Variants in TMEM183A observed in about 807,000 individuals in gnomAD.
TMEM183A encodes the protein chromosome 1 open reading frame 37.
In TMEM183A, 21 loss-of-function variants were observed where a neutral mutation model predicts 46.7. That is an observed-to-expected ratio of 0.45 (90% confidence interval 0.32 to 0.65). The LOEUF (loss-of-function observed/expected upper bound fraction) is 0.65. TMEM183A is among the 30% of genes least tolerant of loss of function. The pLI, the probability that TMEM183A is intolerant of heterozygous loss-of-function variation, is 0.04. For missense variants in TMEM183A, 331 were observed against 481.9 expected (o/e 0.69, Z 2.93); for synonymous variants, 165 against 180.2 (o/e 0.92, Z 0.68).
intron 4 of TMEM183A, chr1:203,015,658 G>A (rs539006237): frequency 3.2e-6 from 1 of 308,876 alleles, no homozygotes; most frequent in Admixed American, 4.7e-5. Context: ...GCCAGTATAG[G>A]TTCCTCCAGG....
chr1:203,007,411 C>G lies in TMEM183A; in HGVS notation c.-55C>G, dbSNP rs1656031656. On this transcript the variant is annotated 5_prime_UTR_variant, in exon 1 of 8. Transcript: ENST00000367242. ...AGCGGCCTCCGGTGTGGGATGGCCGCGGAGCCGGGCGGAGCTGGCTTGCGG... is the reference window on the plus strand; with the variant it reads ...AGCGGCCTCCGGTGTGGGATGGCCGGGGAGCCGGGCGGAGCTGGCTTGCGG... The G allele has an allele frequency of 7.5e-7, 1 of 1,341,476 alleles. No individual in the cohort carries two copies. Among genetic ancestry groups the G allele is most frequent in the Non-Finnish European group, 9.6e-7 (1 of 1,045,022 alleles). 83.1% of individuals were successfully genotyped at this position (1,341,476 alleles called of 1,614,324 possible). A position where few individuals can be genotyped will look rare whatever the true frequency, so the allele number is the denominator to read the frequency against.
chr1:203,007,725 A>G, intron 1 of TMEM183A, 49 bp from the exon 2 acceptor site: 1 of 1,607,436 alleles, frequency 6.2e-7, no homozygotes, highest in Non-Finnish European at 8.5e-7. Flanking sequence ...GGCGGGGAAG[A>G]CGCTGACGAG....
chr1:203,021,054 C>T lies in TMEM183A; in HGVS notation c.945+106C>T, dbSNP rs529263722. 41 of 1,127,602 alleles carry T rather than the reference C, an allele frequency of 3.6e-5. 1 individual carries two copies. The highest frequency in any genetic ancestry group is 2.4e-4 in the South Asian group (14 of 57,756). 69.8% of individuals were successfully genotyped at this position (1,127,602 alleles called of 1,614,324 possible). A position where few individuals can be genotyped will look rare whatever the true frequency, so the allele number is the denominator to read the frequency against. The stretch of plus-strand genomic sequence containing the variant: ...TTTTTTTTTTTTTTTTTTTAAGAGA[C>T]GTGGTCTCACTCTGTCACTCAGGCT... On this transcript the variant is annotated intron_variant, in intron 7 of 7. Coordinates refer to ENST00000367242, the MANE Select transcript of TMEM183A (RefSeq NM_138391.6).
chr1:203,009,969 A>G (rs1186109105), intron 3 of TMEM183A, among the ~76,000 whole-genome samples: 2 of 152,040 alleles, frequency 1.3e-5, no homozygotes, highest in Non-Finnish European at 2.9e-5. Context: ...CCCTGTCTTT[A>G]CTAAAAATAC....
rs531464712 is a variant in TMEM183A, at chr1:203,015,365, A to G, written c.527+317A>G. The G allele has an allele frequency of 2.1e-4, 77 of 359,234 alleles. 2 individuals are homozygous for G. In the South Asian group the frequency reaches 2.8e-3, roughly 13 times the overall value. The allele number at this position is 359,234 out of a possible 1,614,324, so 22.3% of individuals were successfully genotyped here. A position where few individuals can be genotyped will look rare whatever the true frequency, so the allele number is the denominator to read the frequency against. ...TATTTTAGCTAGAATGTTTAAAGCTACAGATGCCTATCTGCTCATCTTTCC... is the reference window on the plus strand; with the variant it reads ...TATTTTAGCTAGAATGTTTAAAGCTGCAGATGCCTATCTGCTCATCTTTCC... On this transcript the variant is annotated intron_variant, in intron 4 of 7. Coordinates refer to ENST00000367242, the MANE Select transcript of TMEM183A (RefSeq NM_138391.6).
chr1:203,008,951 T>A, intron 3 of TMEM183A, 141 bp downstream of exon 3: 1 of 806,536 alleles, frequency 1.2e-6, no homozygotes, highest in Non-Finnish European at 1.8e-6. Flanking sequence ...CCTAAGAACC[T>A]TGGTAGTGGG....
rs181609473 is a variant in TMEM183A at position 203,012,085 on chromosome 1, A to G, written c.368-2804A>G. 3.3e-3 allele frequency among the ~76,000 whole-genome samples: 492 copies of G among 149,012 alleles called. 2 individuals are homozygous for G. The highest frequency in any genetic ancestry group is 0.012 in the African/African-American group (467 of 40,492). On this transcript the variant is annotated intron_variant, in intron 3 of 7. Transcript: ENST00000367242. Reference sequence around the variant, plus strand: ...TTTTCTCTTTCTTTTTTTAATTAACATTTTGTTTTTATATGCTGTCAACTC... The same window carrying G: ...TTTTCTCTTTCTTTTTTTAATTAACGTTTTGTTTTTATATGCTGTCAACTC...
In TMEM183A at chr1:203,014,754, A is replaced by G. The variant is rs546785196; in HGVS notation, c.368-135A>G. ...GCAGCTAGGATGAGCAGGAAATGAT[A>G]AGTTTGAGGGGTTTCCTTGGACCTA... On this transcript the variant is annotated intron_variant, in intron 3 of 7. Coordinates refer to ENST00000367242, the MANE Select transcript of TMEM183A (RefSeq NM_138391.6). The G allele has an allele frequency of 3.9e-6, 5 of 1,290,092 alleles. 1 individual carries two copies. The highest frequency in any genetic ancestry group is 1.5e-5 in the African/African-American group (1 of 66,840). 79.9% of individuals were successfully genotyped at this position (1,290,092 alleles called of 1,614,324 possible).
Position 203,008,627 on chromosome 1 carries a change from T to A in TMEM183A, c.200-16T>A, listed in dbSNP as rs930381345. The A allele has an allele frequency of 2.6e-6, 4 of 1,518,338 alleles. No homozygotes were observed. The African/African-American group carries it at 5.7e-5, about 21-fold the overall frequency. The allele number at this position is 1,518,338 out of a possible 1,614,324, so 94.1% of individuals were successfully genotyped here. On this transcript the variant is annotated splice_polypyrimidine_tract_variant and intron_variant, in intron 2 of 7. Coordinates refer to ENST00000367242, the MANE Select transcript of TMEM183A (RefSeq NM_138391.6). ...GGAGCTGTGTGCCATCTCATTCTCC[T>A]TTTATTTTCTTCTAGTAAAATCTCT...
At chr1:203,015,709 C>T in intron 4 of TMEM183A, 1 of 493,728 alleles carries the variant, frequency 2.0e-6, no homozygotes, top group Non-Finnish European at 3.6e-6. Flanking sequence ...TATACCGATA[C>T]CAATTCAGAG....
At chr1:203,015,134 C>G in intron 4 of TMEM183A, 86 bp downstream of exon 4, 2 of 1,553,960 alleles carry the variant, frequency 1.3e-6, no homozygotes, top group Non-Finnish European at 1.7e-6. Context: ...GGATGGTGAC[C>G]TCTTTTCACT....
At chr1:203,020,183 A>G (rs1178357794) in intron 6 of TMEM183A, among the ~76,000 whole-genome samples, 1 of 151,682 alleles carries the variant, frequency 6.6e-6, no homozygotes, top group African/African-American at 2.4e-5. Flanking sequence ...TTTCAAAAAC[A>G]TGGTTCTGGG....
Position 203,020,894 on chromosome 1 carries a change from C to T in TMEM183A, c.891C>T (p.Val297=). ...ACCAGGACTGCTGCCTACTGCAGGTCACCACCCTCAATTTCATCTTTATTC... is the reference window on the plus strand; with the variant it reads ...ACCAGGACTGCTGCCTACTGCAGGTTACCACCCTCAATTTCATCTTTATTC... ...NPDQDCCLLQ[V]TTLNFIFIPI... Residue 297 remains valine, a synonymous_variant, in exon 7 of 8, where the codon GTC becomes GTT. Transcript: ENST00000367242. The T allele has an allele frequency of 6.2e-7, 1 of 1,613,518 alleles. No homozygotes were observed.
In TMEM183A at chr1:203,023,866, TGTG is replaced by T. The variant is rs1238378855; in HGVS notation, c.*829_*831del. On this transcript the variant is annotated 3_prime_UTR_variant, in exon 8 of 8. Transcript: ENST00000367242. ...TTTAAAAGATGAGTCTCATTTTTCTTGTGGTAGATGGTGGTAAAAAGGAGTAGG... is the reference window on the plus strand; with the variant it reads ...TTTAAAAGATGAGTCTCATTTTTCTTGTAGATGGTGGTAAAAAGGAGTAGG... 1.3e-5 allele frequency: 2 copies of T among 152,166 alleles called. No homozygotes were observed. The highest frequency in any genetic ancestry group is 1.3e-4 in the Admixed American group (2 of 15,288). 9.4% of individuals were successfully genotyped at this position (152,166 alleles called of 1,614,324 possible). A position where few individuals can be genotyped will look rare whatever the true frequency, so the allele number is the denominator to read the frequency against.
chr1:203,009,782 C>G (rs1656371733), intron 3 of TMEM183A, among the ~76,000 whole-genome samples: 1 of 152,130 alleles, frequency 6.6e-6, no homozygotes, highest in Admixed American at 6.5e-5. Context: ...CCATGCTTAG[C>G]CCAGAATTTT....
intron 3 of TMEM183A, among the ~76,000 whole-genome samples, 170 bp downstream of exon 3, chr1:203,008,980 G>T (rs1656284057): frequency 6.6e-6 from 1 of 152,122 alleles, no homozygotes; most frequent in Admixed American, 6.5e-5. Flanking sequence ...TAATACACCT[G>T]GGCTTTCTTT....
rs370050287 is a variant in TMEM183A, at chr1:203,007,755, G to C, written c.110-19G>C. The C allele has an allele frequency of 7.8e-5, 126 of 1,613,720 alleles. No individual in the cohort carries two copies. The African/African-American group carries it at 1.2e-3, about 15-fold the overall frequency. Reference sequence around the variant, plus strand: ...GACGAGAGAAGGCCTCTTCCTTGAGGGTTGGTGCTGTGTTGCAGTGACCGT... The same window carrying C: ...GACGAGAGAAGGCCTCTTCCTTGAGCGTTGGTGCTGTGTTGCAGTGACCGT... On this transcript the variant is annotated intron_variant, in intron 1 of 7. Transcript: ENST00000367242.
At chr1:203,020,675 G>T in intron 6 of TMEM183A, 118 bp from the exon 7 acceptor site, 1 of 1,257,698 alleles carries the variant, frequency 8.0e-7, no homozygotes, top group Admixed American at 2.3e-5. Flanking sequence ...TGTATAAAGA[G>T]AGAAGATAAA....
chr1:203,008,128 C>T (rs776463406), intron 2 of TMEM183A, among the ~76,000 whole-genome samples: 4 of 152,156 alleles, frequency 2.6e-5, no homozygotes, highest in Non-Finnish European at 5.9e-5. Context: ...AATCTCTTTG[C>T]TGTAGTTCAC....
Sources: gnomAD v4.1 joint callset for allele counts (sites outside exome capture counted in the v4.1 genomes callset) on GRCh38, gnomAD v4.1.1 for gene constraint, MANE v1.5 for transcripts, NCBI Gene and HGNC (gene_info 2026-07-23, HGNC 2026-07-21) for gene names.